SLIT3: variants seen among roughly 807,000 people sequenced by gnomAD.
SLIT3 encodes the protein slit homolog 3 protein.
A neutral mutation model predicts 184.0 loss-of-function variants in SLIT3; 68 were observed. The ratio of observed to expected loss-of-function variants is 0.37; its 90% CI spans 0.30 to 0.45. The LOEUF is 0.45. SLIT3 is among the 20% of genes least tolerant of loss of function. The pLI, the probability that SLIT3 is intolerant of heterozygous loss-of-function variation, is 1.00. For missense variants in SLIT3, 1,707 were observed against 2,026.0 expected (o/e 0.84, Z 3.02); for synonymous variants, 831 against 828.6 (o/e 1.00, Z -0.05).
intron 5 of SLIT3, among the ~76,000 whole-genome samples, chr5:168,858,738 C>T (rs1010552055): frequency 1.3e-5 from 2 of 152,218 alleles, no homozygotes; most frequent in Non-Finnish European, 2.9e-5. Flanking sequence ...CTGTTCTTTT[C>T]TTTAAAATGT....
intron 4 of SLIT3, among the ~76,000 whole-genome samples, chr5:168,989,931 T>C (rs62378615): frequency 0.047 from 7,150 of 152,284 alleles, 187 homozygotes; most frequent in Non-Finnish European, 0.057. Flanking sequence ...AAATATGTAG[T>C]TGGCACATTA....
chr5:169,146,374 T>C (rs561337976), intron 4 of SLIT3, among the ~76,000 whole-genome samples: 104 of 152,214 alleles, frequency 6.8e-4, no homozygotes, highest in African/African-American at 2.4e-3. Flanking sequence ...CCAATGGCGG[T>C]TTTCTCTTTC....
chr5:169,101,673 A>G (rs1012715885), intron 4 of SLIT3, among the ~76,000 whole-genome samples: 2 of 152,210 alleles, frequency 1.3e-5, no homozygotes, highest in East Asian at 3.9e-4. Context: ...AATCAGTTTC[A>G]AGAAAAATGA....
Position 168,748,410 on chromosome 5 carries a change from AGCTGG to A in SLIT3, c.2157_2161del (p.Gln720GlufsTer60). 6.6e-7 allele frequency: 1 copy of A among 1,524,044 alleles called. No homozygotes were observed. Among genetic ancestry groups the A allele is most frequent in the Non-Finnish European group, 8.7e-7 (1 of 1,147,714 alleles). The allele number at this position is 1,524,044 out of a possible 1,614,324, so 94.4% of individuals were successfully genotyped here. On this transcript the variant is annotated frameshift_variant, in exon 20 of 36. Coordinates refer to ENST00000519560, the MANE Select transcript of SLIT3 (RefSeq NM_003062.4). LOFTEE classifies it high-confidence loss of function. The stretch of plus-strand genomic sequence containing the variant: ...GCACTGCTCCGGGCAGCGCGGGCTC[AGCTGG>A]CAGCTACTCTCCTCGTTGCCTGTGG...
rs569701342 is a variant in SLIT3 at position 168,954,733 on chromosome 5, C to G, written c.414-71397G>C. Reference sequence around the variant, plus strand: ...GCTAATTGGGGCCAGGCAGGTAAGGCAGGAGGGGGAAGTGGCTGGCAGGAA... The same window carrying G: ...GCTAATTGGGGCCAGGCAGGTAAGGGAGGAGGGGGAAGTGGCTGGCAGGAA... On this transcript the variant is annotated intron_variant, in intron 4 of 35. Transcript: ENST00000519560. Among the ~76,000 whole-genome samples, 7 of 152,220 alleles carry G rather than the reference C, an allele frequency of 4.6e-5. No homozygotes were observed. The East Asian group carries it at 1.4e-3, about 29-fold the overall frequency.
At chr5:169,141,428 T>A (rs556286493) in intron 4 of SLIT3, among the ~76,000 whole-genome samples, 85 of 151,368 alleles carry the variant, frequency 5.6e-4, no homozygotes, top group African/African-American at 2.0e-3. Flanking sequence ...TGTTTTGTTT[T>A]TTTTTTTGTT....
chr5:169,102,154 C>A (rs930686258), intron 4 of SLIT3, among the ~76,000 whole-genome samples: 2 of 152,196 alleles, frequency 1.3e-5, no homozygotes, highest in South Asian at 2.1e-4. Context: ...GAAAGTTATG[C>A]CATTGCCTGT....
intron 4 of SLIT3, among the ~76,000 whole-genome samples, chr5:169,128,482 G>A (rs1414477932): frequency 1.3e-5 from 2 of 152,066 alleles, no homozygotes; most frequent in African/African-American, 4.8e-5. Context: ...AGGCTGGAGT[G>A]CAGTGGCACA....
At chr5:168,915,020 T>C (rs1761388002) in intron 4 of SLIT3, among the ~76,000 whole-genome samples, 1 of 152,192 alleles carries the variant, frequency 6.6e-6, no homozygotes, top group South Asian at 2.1e-4. Context: ...ATAATAATAC[T>C]CTAAATGTGA....
At chr5:169,258,556 A>G (rs1766056790) in intron 1 of SLIT3, among the ~76,000 whole-genome samples, 1 of 152,192 alleles carries the variant, frequency 6.6e-6, no homozygotes, top group Non-Finnish European at 1.5e-5. Flanking sequence ...TGTTGCCTCT[A>G]TAAACAGGCA....
chr5:169,208,410 C>A (rs539522625), intron 3 of SLIT3, among the ~76,000 whole-genome samples: 1 of 152,110 alleles, frequency 6.6e-6, no homozygotes, highest in African/African-American at 2.4e-5. Flanking sequence ...CACTTGGTTG[C>A]AATTGTGAAT....
intron 4 of SLIT3, among the ~76,000 whole-genome samples, chr5:168,973,754 C>G (rs913840116): frequency 6.6e-6 from 1 of 152,180 alleles, no homozygotes. Flanking sequence ...TCCTACCTAG[C>G]CCTGAGCAAC....
intron 4 of SLIT3, among the ~76,000 whole-genome samples, chr5:168,905,229 C>T (rs1300482809): frequency 6.6e-6 from 1 of 151,998 alleles, no homozygotes; most frequent in Non-Finnish European, 1.5e-5. Context: ...AACAGAGGTG[C>T]ACCCATGAAG....
chr5:168,939,196 C>A (rs944948569), intron 4 of SLIT3, among the ~76,000 whole-genome samples: 5 of 152,354 alleles, frequency 3.3e-5, no homozygotes, highest in Non-Finnish European at 7.3e-5. Context: ...CGTAGCTGCG[C>A]TGTGGGTCAG....
At chr5:169,072,176 A>G (rs1183174890) in intron 4 of SLIT3, among the ~76,000 whole-genome samples, 3 of 152,154 alleles carry the variant, frequency 2.0e-5, no homozygotes, top group African/African-American at 7.2e-5. Context: ...TATGGTGGTG[A>G]TGGTGGTAGT....
intron 4 of SLIT3, among the ~76,000 whole-genome samples, chr5:169,083,412 G>A (rs1384318352): frequency 6.6e-6 from 1 of 152,034 alleles, no homozygotes; most frequent in African/African-American, 2.4e-5. Flanking sequence ...GTTAGGGGGT[G>A]GGGGCAGAAG....
intron 4 of SLIT3, among the ~76,000 whole-genome samples, chr5:168,894,790 C>T (rs1760605579): frequency 6.6e-6 from 1 of 152,188 alleles, no homozygotes; most frequent in Non-Finnish European, 1.5e-5. Flanking sequence ...CGTTTCATCT[C>T]CAAGAACAAC....
At chr5:168,873,637 C>T (rs1032171719) in intron 5 of SLIT3, among the ~76,000 whole-genome samples, 1 of 152,008 alleles carries the variant, frequency 6.6e-6, no homozygotes, top group Non-Finnish European at 1.5e-5. Context: ...CTCTCTCTCT[C>T]AAAGATAAGA....
chr5:168,712,636 T>G (rs1307041593), intron 23 of SLIT3: 1 of 377,150 alleles, frequency 2.7e-6, no homozygotes, highest in Non-Finnish European at 4.9e-6. Context: ...AGCCGTGGAA[T>G]GCTGGATAAG....
Sources: allele counts gnomAD v4.1 joint callset (sites outside exome capture counted in the v4.1 genomes callset), GRCh38; gene constraint gnomAD v4.1.1; transcripts MANE v1.5; gene names NCBI Gene and HGNC (gene_info 2026-07-23, HGNC 2026-07-21).